The following ATP13A5 variants were observed in gnomAD, a reference collection of about 807,000 sequenced individuals.
The protein encoded by ATP13A5 is probable cation-transporting ATPase 13A5.
ATP13A5 carries 149 observed loss-of-function variants against 150.2 expected under a neutral mutation model. That is an observed-to-expected ratio of 0.99 (90% CI 0.87 to 1.14). ATP13A5 has a LOEUF of 1.14. ATP13A5 is among the 50% of genes most tolerant of loss of function. The pLI is 0.00. For missense variants in ATP13A5, 1,383 were observed against 1,449.3 expected (o/e 0.95, Z 0.74); for synonymous variants, 497 against 522.2 (o/e 0.95, Z 0.66).
At chr3:193,356,300 C>T (rs1009008498) in intron 5 of ATP13A5, among the ~76,000 whole-genome samples, 4 of 151,944 alleles carry the variant, frequency 2.6e-5, no homozygotes, top group Non-Finnish European at 5.9e-5. Context: ...ACTGTATCTT[C>T]CACTATAATG....
chr3:193,333,684 C>A, intron 11 of ATP13A5, 66 bp downstream of exon 11: 1 of 1,451,874 alleles, frequency 6.9e-7, no homozygotes, highest in Non-Finnish European at 9.5e-7. Context: ...CTAAACCAAT[C>A]CTCTGAGTTA....
chr3:193,279,158 A>T (rs558914960), intron 28 of ATP13A5, among the ~76,000 whole-genome samples: 105 of 152,312 alleles, frequency 6.9e-4, no homozygotes, highest in South Asian at 2.9e-3. Context: ...TACAGGATAA[A>T]TGTACCCAAT....
At chr3:193,362,269 G>T in intron 5 of ATP13A5, 112 bp downstream of exon 5, 3 of 944,430 alleles carry the variant, frequency 3.2e-6, no homozygotes, top group South Asian at 1.4e-5. Context: ...AAATGAACTT[G>T]GACTATAACA....
chr3:193,378,103 A>G (rs1281385842), intron 1 of ATP13A5, among the ~76,000 whole-genome samples: 1 of 151,960 alleles, frequency 6.6e-6, no homozygotes, highest in Non-Finnish European at 1.5e-5. Context: ...TGTGTGTTTG[A>G]TGAAAACAAG....
intron 25 of ATP13A5, among the ~76,000 whole-genome samples, chr3:193,293,944 G>A (rs1433171608): frequency 6.6e-6 from 1 of 152,050 alleles, no homozygotes; most frequent in Non-Finnish European, 1.5e-5. Context: ...TGGCCTAAAT[G>A]GATCTGAATT....
chr3:193,310,562 G>T, intron 21 of ATP13A5, 76 bp downstream of exon 21: 2 of 1,191,280 alleles, frequency 1.7e-6, no homozygotes, highest in South Asian at 1.5e-5. Flanking sequence ...TAGCCATTCT[G>T]ACTCACACCT....
chr3:193,339,201 A>AT (rs555090544), intron 9 of ATP13A5, among the ~76,000 whole-genome samples: 65 of 152,004 alleles, frequency 4.3e-4, no homozygotes, highest in South Asian at 1.2e-3. Flanking sequence ...GGATTCATTG[A>AT]TTTTTTTAAG....
At chr3:193,351,001 A>C in intron 7 of ATP13A5, 66 bp downstream of exon 7, 1 of 1,567,684 alleles carries the variant, frequency 6.4e-7, no homozygotes, top group Non-Finnish European at 8.7e-7. Flanking sequence ...TCTCAGTGGA[A>C]ATACCATGGG....
intron 21 of ATP13A5, among the ~76,000 whole-genome samples, chr3:193,308,400 G>A (rs6444699): frequency 0.86 from 130,197 of 152,146 alleles, 55,754 homozygotes; most frequent in East Asian, 0.98. Flanking sequence ...CGGAGGCTGC[G>A]GTGAGCCGAT....
chr3:193,372,659 T>A (rs913104601), intron 1 of ATP13A5, among the ~76,000 whole-genome samples: 31 of 152,204 alleles, frequency 2.0e-4, no homozygotes, highest in Non-Finnish European at 1.2e-4. Context: ...TATAGCTACA[T>A]CACATTGGCA....
Position 193,363,292 on chromosome 3 carries a change from G to C in ATP13A5, c.328C>G (p.Leu110Val), listed in dbSNP as rs769883157. 2.5e-6 allele frequency: 4 copies of C among 1,613,936 alleles called. No homozygotes were observed. The highest frequency in any genetic ancestry group is 3.4e-6 in the Non-Finnish European group (4 of 1,179,840). Residue 110 changes from leucine to valine, a missense_variant, in exon 3 of 30, where the codon CTG becomes GTG. By Grantham distance (32) the Leu-to-Val change is conservative. Coordinates refer to ENST00000342358, the MANE Select transcript of ATP13A5 (RefSeq NM_198505.4). ...FPVSKKWEES[L>V]VADRHSVINQ... is the part of the protein sequence containing the mutation. The stretch of plus-strand genomic sequence containing the variant: ...ATGACAGAGTGGCGGTCAGCCACCA[G>C]GGATTCTTCCCACTTCTTGCTTACA...
chr3:193,321,313 G>A (rs1719265475), intron 16 of ATP13A5, among the ~76,000 whole-genome samples: 1 of 152,146 alleles, frequency 6.6e-6, no homozygotes, highest in Non-Finnish European at 1.5e-5. Flanking sequence ...TGATTGTGAA[G>A]CTTTCTGTGT....
rs779713670 is a variant in ATP13A5, at chr3:193,364,067, C to T, written c.237+40G>A. On this transcript the variant is annotated intron_variant, in intron 2 of 29. Transcript: ENST00000342358. ...TGCCACAGAGGCAATACAGAAGACA[C>T]GATCATGGCTTTCAAAATAGAAAAC... 13 of 1,600,964 alleles carry T rather than the reference C, an allele frequency of 8.1e-6. No homozygotes were observed. The Admixed American group carries it at 1.2e-4, about 14-fold the overall frequency.
At chr3:193,326,028 T>A (rs908254712) in intron 13 of ATP13A5, among the ~76,000 whole-genome samples, 7 of 152,184 alleles carry the variant, frequency 4.6e-5, no homozygotes, top group African/African-American at 1.4e-4. Context: ...CAGGTGTTCC[T>A]TGTCACCCAG....
Position 193,369,632 on chromosome 3 carries a change from T to C in ATP13A5, c.64-5352A>G, listed in dbSNP as rs969363519. On this transcript the variant is annotated intron_variant, in intron 1 of 29. Transcript: ENST00000342358. ...GAGAGCCAGGAACATGTTTGTACCA[T>C]AAAAGGAAAATTAATAGTATCCAGA... 3.3e-4 allele frequency among the ~76,000 whole-genome samples: 50 copies of C among 151,728 alleles called. 1 individual carries two copies. The East Asian group carries it at 3.5e-3, about 11-fold the overall frequency.
At chr3:193,325,198 G>A (rs1214936930) in intron 13 of ATP13A5, among the ~76,000 whole-genome samples, 184 bp from the exon 14 acceptor site, 3 of 152,142 alleles carry the variant, frequency 2.0e-5, no homozygotes, top group South Asian at 2.1e-4. Flanking sequence ...TGTCCACTTC[G>A]GATCTACCTT....
chr3:193,348,393 G>A (rs1266481669), intron 7 of ATP13A5, among the ~76,000 whole-genome samples: 1 of 152,134 alleles, frequency 6.6e-6, no homozygotes, highest in Non-Finnish European at 1.5e-5. Flanking sequence ...GCTTGGCTCT[G>A]TCATGACTGA....
intron 5 of ATP13A5, among the ~76,000 whole-genome samples, chr3:193,355,927 A>G (rs906693993): frequency 3.9e-5 from 6 of 152,114 alleles, no homozygotes; most frequent in African/African-American, 1.4e-4. Flanking sequence ...AGATCCGACA[A>G]TCAAGCTTAA....
At chr3:193,366,091 A>T (rs1209606730) in intron 1 of ATP13A5, among the ~76,000 whole-genome samples, 1 of 152,086 alleles carries the variant, frequency 6.6e-6, no homozygotes, top group Non-Finnish European at 1.5e-5. Context: ...AACACTGGAA[A>T]AACCAAATGA....
Sources: gnomAD v4.1 joint callset for allele counts (sites outside exome capture counted in the v4.1 genomes callset) on GRCh38, gnomAD v4.1.1 for gene constraint, MANE v1.5 for transcripts, NCBI Gene and HGNC (gene_info 2026-07-23, HGNC 2026-07-21) for gene names.